The following ZFAND3 variants were observed in gnomAD, a reference collection of about 807,000 sequenced individuals.
The protein encoded by ZFAND3 is zinc finger AN1-type containing 3.
A neutral mutation model predicts 29.6 loss-of-function variants in ZFAND3; 10 were observed. That is an observed-to-expected ratio of 0.34 (90% CI 0.21 to 0.57). ZFAND3 has a LOEUF of 0.57. Among genes scored for constraint, ZFAND3 ranks in the 20% least tolerant of loss-of-function variants. ZFAND3 has a pLI of 0.86. For missense variants in ZFAND3, 230 were observed against 304.5 expected, an observed-to-expected ratio of 0.76 and a Z score of 1.82; for synonymous variants, 128 against 112.6, an observed-to-expected ratio of 1.14 and a Z score of -0.87.
chr6:37,891,883 C>T (rs1170129117), intron 1 of ZFAND3, among the ~76,000 whole-genome samples: 1 of 152,010 alleles, frequency 6.6e-6, no homozygotes, highest in East Asian at 1.9e-4. Context: ...TGCATGCTGC[C>T]ATACCCTGCT....
intron 2 of ZFAND3, among the ~76,000 whole-genome samples, chr6:37,980,818 C>G (rs891410756): frequency 7.2e-5 from 11 of 152,100 alleles, no homozygotes; most frequent in African/African-American, 2.4e-4. Flanking sequence ...TTAATGTTGA[C>G]GTTCTATTAC....
Position 37,859,810 on chromosome 6 carries a change from G to GT in ZFAND3, c.71+39805dup, listed in dbSNP as rs199534339. On this transcript the variant is annotated intron_variant, in intron 1 of 5. Transcript: ENST00000287218. ...ATTTATTTTTCTGTCTTTAAAAAGG[G>GT]TTTTTTTTTTTCCTGAGATAGAGTC... Among the ~76,000 whole-genome samples, 2,762 of 143,010 alleles carry GT rather than the reference G, an allele frequency of 0.019. 245 individuals carry two copies. The East Asian group carries it at 0.28, about 14-fold the overall frequency. 93.8% of individuals were successfully genotyped at this position (143,010 alleles called of 152,430 possible).
At chr6:37,995,753 A>G (rs1192851595) in intron 2 of ZFAND3, among the ~76,000 whole-genome samples, 1 of 151,748 alleles carries the variant, frequency 6.6e-6, no homozygotes, top group East Asian at 2.0e-4. Flanking sequence ...ACAGTTAGTA[A>G]GTAAAATGAG....
intron 1 of ZFAND3, among the ~76,000 whole-genome samples, chr6:37,911,320 G>C (rs924329399): frequency 1.3e-5 from 2 of 152,088 alleles, no homozygotes; most frequent in Admixed American, 6.5e-5. Flanking sequence ...TTGTGTACCT[G>C]TTAGCTATTT....
intron 5 of ZFAND3, among the ~76,000 whole-genome samples, chr6:38,134,404 T>C (rs1458435781): frequency 1.3e-5 from 2 of 152,336 alleles, no homozygotes; most frequent in Non-Finnish European, 1.5e-5. Flanking sequence ...CTTTGTGACC[T>C]TCAGCTATTT....
intron 4 of ZFAND3, among the ~76,000 whole-genome samples, chr6:38,102,256 C>T (rs957911407): frequency 6.6e-5 from 10 of 152,102 alleles, no homozygotes; most frequent in African/African-American, 2.4e-4. Flanking sequence ...ACAGGCAAAA[C>T]ATTTGGAAGA....
At chr6:37,870,588 G>A (rs1435278858) in intron 1 of ZFAND3, among the ~76,000 whole-genome samples, 1 of 133,446 alleles carries the variant, frequency 7.5e-6, no homozygotes, top group Non-Finnish European at 1.6e-5. Context: ...GACAGAGCAA[G>A]GCTCTGTCTC....
chr6:37,860,054 T>C (rs1405461477), intron 1 of ZFAND3, among the ~76,000 whole-genome samples: 2 of 149,588 alleles, frequency 1.3e-5, no homozygotes, highest in African/African-American at 2.4e-5. Flanking sequence ...TTTTTTTTTT[T>C]GTATTTTTTA....
At chr6:38,088,897 A>C (rs767603656) in intron 4 of ZFAND3, among the ~76,000 whole-genome samples, 5 of 152,218 alleles carry the variant, frequency 3.3e-5, no homozygotes, top group Non-Finnish European at 7.3e-5. Flanking sequence ...GTTCCATTAA[A>C]TATCAAGGCA....
At chr6:38,046,599 G>A (rs1581869036) in intron 2 of ZFAND3, among the ~76,000 whole-genome samples, 1 of 152,142 alleles carries the variant, frequency 6.6e-6, no homozygotes, top group South Asian at 2.1e-4. Context: ...TTGATAGGGA[G>A]CTATAAATAA....
intron 4 of ZFAND3, among the ~76,000 whole-genome samples, chr6:38,109,870 T>G (rs575788538): frequency 6.6e-6 from 1 of 152,194 alleles, no homozygotes; most frequent in East Asian, 1.9e-4. Flanking sequence ...TGGTAGATGA[T>G]AAGAGTTGGC....
rs149295183 is a variant in ZFAND3 at position 37,835,781 on chromosome 6, C to T, written c.71+15765C>T. Among the ~76,000 whole-genome samples, 5 of 152,134 alleles carry T rather than the reference C, an allele frequency of 3.3e-5. No individual in the cohort carries two copies. The East Asian group carries it at 9.7e-4, about 29-fold the overall frequency. On this transcript the variant is annotated intron_variant, in intron 1 of 5. Coordinates refer to ENST00000287218, the MANE Select transcript of ZFAND3 (RefSeq NM_021943.3). ...ACAAATAGCATACGACACACTATTC[C>T]GGAACCACCTCAGTTTTTTCAGTTA...
chr6:37,900,002 C>A (rs952506451), intron 1 of ZFAND3, among the ~76,000 whole-genome samples: 1 of 152,044 alleles, frequency 6.6e-6, no homozygotes, highest in Admixed American at 6.6e-5. Flanking sequence ...TGTAGAATTA[C>A]GTCATTCTTT....
In ZFAND3 at chr6:37,951,909, G is replaced by A. The variant is rs117317689; in HGVS notation, c.112+21910G>A. On this transcript the variant is annotated intron_variant, in intron 2 of 5. Coordinates refer to ENST00000287218, the MANE Select transcript of ZFAND3 (RefSeq NM_021943.3). ...AAGGTTTTTAACACGAAGCGATGTT[G>A]ACTTTTATCAAAAGCCTTTTGAGAC... is the stretch of plus-strand genomic sequence containing the variant. 1.1e-3 allele frequency among the ~76,000 whole-genome samples: 161 copies of A among 152,312 alleles called. 2 individuals carry two copies. The East Asian group carries it at 0.026, about 24-fold the overall frequency.
chr6:37,953,419 C>T (rs754974262), intron 2 of ZFAND3, among the ~76,000 whole-genome samples: 15 of 140,886 alleles, frequency 1.1e-4, no homozygotes, highest in South Asian at 2.3e-4. Flanking sequence ...TGTTGTCATA[C>T]GTTTTACTTT....
At chr6:37,964,654 C>T (rs564756498) in intron 2 of ZFAND3, among the ~76,000 whole-genome samples, 3 of 152,266 alleles carry the variant, frequency 2.0e-5, no homozygotes, top group South Asian at 4.1e-4. Context: ...TCTTATATAC[C>T]GCAGAGCAAA....
intron 1 of ZFAND3, among the ~76,000 whole-genome samples, chr6:37,923,421 G>A (rs1761421093): frequency 6.6e-6 from 1 of 152,126 alleles, no homozygotes; most frequent in African/African-American, 2.4e-5. Context: ...AATTGGTATG[G>A]AGCTGTCATC....
At chr6:37,997,372 G>A (rs1006210886) in intron 2 of ZFAND3, among the ~76,000 whole-genome samples, 4 of 152,180 alleles carry the variant, frequency 2.6e-5, no homozygotes, top group Non-Finnish European at 5.9e-5. Context: ...GGAAAGAATA[G>A]CATTGTAATG....
At chr6:37,880,692 T>A (rs1260873671) in intron 1 of ZFAND3, among the ~76,000 whole-genome samples, 1 of 152,188 alleles carries the variant, frequency 6.6e-6, no homozygotes, top group Non-Finnish European at 1.5e-5. Flanking sequence ...AAAGTATTTT[T>A]TTTTTAAAGC....
Sources: allele counts gnomAD v4.1 joint callset (sites outside exome capture counted in the v4.1 genomes callset), GRCh38; gene constraint gnomAD v4.1.1; transcripts MANE v1.5; gene names NCBI Gene and HGNC (gene_info 2026-07-23, HGNC 2026-07-21).